The following WDR70 variants were observed in gnomAD, a reference collection of about 807,000 sequenced individuals.
WDR70 encodes WD repeat-containing protein 70.
A neutral mutation model predicts 88.6 loss-of-function variants in WDR70; 53 were observed. The observed-to-expected ratio is 0.60, with a 90% CI of 0.48 to 0.75. The LOEUF is 0.75. Among genes scored for constraint, WDR70 ranks in the 30% least tolerant of loss-of-function variants. The pLI is 0.00. For synonymous variants in WDR70, 280 were observed against 270.0 expected (o/e 1.04, Z -0.36); for missense variants, 610 against 823.2 (o/e 0.74, Z 3.17).
intron 5 of WDR70, among the ~76,000 whole-genome samples, chr5:37,425,379 G>A (rs187541570): frequency 1.3e-5 from 2 of 152,332 alleles, no homozygotes; most frequent in African/African-American, 2.4e-5. Context: ...TTTAAAATAG[G>A]GCGGTCAAGT....
chr5:37,543,898 A>G (rs1274419529), intron 9 of WDR70, among the ~76,000 whole-genome samples: 1 of 152,028 alleles, frequency 6.6e-6, no homozygotes, highest in Non-Finnish European at 1.5e-5. Flanking sequence ...CCTCCTGAGT[A>G]GCTGGGATTA....
chr5:37,486,011 G>T (rs1161897707), intron 8 of WDR70, among the ~76,000 whole-genome samples: 1 of 151,856 alleles, frequency 6.6e-6, no homozygotes, highest in Non-Finnish European at 1.5e-5. Flanking sequence ...CACTGTGCCT[G>T]GCCAACAATA....
At chr5:37,476,104 G>C (rs1280800440) in intron 7 of WDR70, among the ~76,000 whole-genome samples, 2 of 151,856 alleles carry the variant, frequency 1.3e-5, no homozygotes, top group Non-Finnish European at 2.9e-5. Context: ...ACCCACCTCA[G>C]CCTCCCAAAG....
chr5:37,499,118 C>CTTTTT (rs1249708604), intron 8 of WDR70, among the ~76,000 whole-genome samples: 1 of 144,666 alleles, frequency 6.9e-6, no homozygotes, highest in Admixed American at 6.9e-5. Flanking sequence ...GTTTGTCATT[C>CTTTTT]TTTTTTTTTT....
chr5:37,388,073 T>C (rs1345841718), intron 3 of WDR70, among the ~76,000 whole-genome samples: 8 of 152,138 alleles, frequency 5.3e-5, no homozygotes, highest in Non-Finnish European at 1.0e-4. Flanking sequence ...TAATGTTTTT[T>C]ATGTTCTTGA....
intron 4 of WDR70, among the ~76,000 whole-genome samples, chr5:37,396,042 AC>A (rs1310485218): frequency 1.3e-5 from 2 of 152,158 alleles, no homozygotes; most frequent in Non-Finnish European, 2.9e-5. Context: ...CAAGCAGTCC[AC>A]CTGCCTTGGT....
intron 5 of WDR70, among the ~76,000 whole-genome samples, chr5:37,405,607 G>T (rs928358354): frequency 1.3e-5 from 2 of 151,798 alleles, no homozygotes; most frequent in East Asian, 3.9e-4. Flanking sequence ...ACAGTTAATT[G>T]TCCCTCATTA....
intron 8 of WDR70, among the ~76,000 whole-genome samples, chr5:37,487,052 A>G (rs1280635005): frequency 6.6e-6 from 1 of 152,246 alleles, no homozygotes; most frequent in Non-Finnish European, 1.5e-5. Flanking sequence ...TTAGGAAAGT[A>G]GGACAAGAAT....
chr5:37,510,933 C>T (rs1740703283), intron 8 of WDR70, among the ~76,000 whole-genome samples: 1 of 152,174 alleles, frequency 6.6e-6, no homozygotes, highest in African/African-American at 2.4e-5. Context: ...GTCCTCCTTT[C>T]TTCATCATAC....
At chr5:37,429,022 A>G (rs774797345) in intron 5 of WDR70, among the ~76,000 whole-genome samples, 7 of 152,064 alleles carry the variant, frequency 4.6e-5, no homozygotes, top group Non-Finnish European at 1.0e-4. Context: ...TTTTCTTGTG[A>G]TGAGGTGTCA....
chr5:37,611,320 T>G (rs1381284594), intron 10 of WDR70, among the ~76,000 whole-genome samples: 3 of 152,174 alleles, frequency 2.0e-5, no homozygotes, highest in African/African-American at 7.2e-5. Context: ...TTTGTTGCTT[T>G]TGGGATATTC....
intron 9 of WDR70, among the ~76,000 whole-genome samples, chr5:37,562,843 A>G (rs1053764804): frequency 2.0e-5 from 3 of 151,738 alleles, no homozygotes; most frequent in African/African-American, 7.2e-5. Context: ...TCCCATGTCT[A>G]CCTCTTTCTA....
chr5:37,722,890 A>T lies in WDR70; in HGVS notation c.1553A>T (p.Lys518Met). 1.9e-6 allele frequency: 3 copies of T among 1,613,668 alleles called. No homozygotes were observed. Among genetic ancestry groups the T allele is most frequent in the Non-Finnish European group, 2.5e-6 (3 of 1,179,674 alleles). The change falls in exon 15 of 18, where the codon AAG becomes ATG. Residue 518 changes from lysine to methionine, a missense_variant. By Grantham distance (95) the Lys-to-Met change is moderately conservative. This residue lies in a region of WDR70 where 254 missense variants were observed against 300.7 expected (regional missense o/e 0.84). Coordinates refer to ENST00000265107, the MANE Select transcript of WDR70 (RefSeq NM_018034.4). ...TTATGTGTGGTTAAAACCCAGCGGA[A>T]GGCAAAACAAGCTGAGACTCTAACT... ...AKLCVVKTQRKAKQAETLTQD... is the reference protein window; with the variant it reads ...AKLCVVKTQRMAKQAETLTQD...
chr5:37,650,937 A>G (rs2112559884), intron 10 of WDR70, among the ~76,000 whole-genome samples: 1 of 151,404 alleles, frequency 6.6e-6, no homozygotes, highest in East Asian at 1.9e-4. Context: ...ACTTCCTTTC[A>G]GAACTTCAAT....
intron 17 of WDR70, among the ~76,000 whole-genome samples, chr5:37,727,472 C>T (rs1360571560): frequency 6.6e-6 from 1 of 152,116 alleles, no homozygotes; most frequent in African/African-American, 2.4e-5. Flanking sequence ...GCTCGTATTC[C>T]CTCAGACAGC....
intron 10 of WDR70, among the ~76,000 whole-genome samples, chr5:37,615,123 T>G (rs1744299236): frequency 6.6e-6 from 1 of 151,920 alleles, no homozygotes; most frequent in South Asian, 2.1e-4. Context: ...TATGTAAATA[T>G]AGTTGAGGAA....
At chr5:37,413,411 A>G (rs6889826) in intron 5 of WDR70, among the ~76,000 whole-genome samples, 147,941 of 152,292 alleles carry the variant, frequency 0.97, 72,017 homozygotes, top group East Asian at 1. Context: ...ATTTTATCTT[A>G]AGCTTTTTAG....
In WDR70 at chr5:37,603,051, T is replaced by G. The variant is rs145685369; in HGVS notation, c.918-2013T>G. Among the ~76,000 whole-genome samples the G allele has an allele frequency of 1.3e-3, 192 of 152,224 alleles. 1 individual carries two copies. The highest frequency in any genetic ancestry group is 4.5e-3 in the African/African-American group (187 of 41,522). The stretch of plus-strand genomic sequence containing the variant: ...TGTCCATGGATTAGAAAAATTAATG[T>G]TGCTGACATGTCTAAACCATCCAAA... On this transcript the variant is annotated intron_variant, in intron 9 of 17. Coordinates refer to ENST00000265107, the MANE Select transcript of WDR70 (RefSeq NM_018034.4).
intron 10 of WDR70, among the ~76,000 whole-genome samples, chr5:37,617,409 A>G (rs534135643): frequency 5.9e-5 from 9 of 152,342 alleles, no homozygotes; most frequent in Middle Eastern, 3.4e-3. Flanking sequence ...GGTGAATTTT[A>G]TGGTCTTAAA....
Sources: allele counts gnomAD v4.1 joint callset (sites outside exome capture counted in the v4.1 genomes callset), GRCh38; gene constraint gnomAD v4.1.1; regional missense constraint gnomAD v4.1.1; transcripts MANE v1.5; gene names NCBI Gene and HGNC (gene_info 2026-07-23, HGNC 2026-07-21).